RALYL: variants seen among roughly 807,000 people sequenced by gnomAD.
RALYL encodes RNA-binding Raly-like protein.
RALYL carries 29 observed loss-of-function variants against 35.1 expected under a neutral mutation model. The ratio of observed to expected loss-of-function variants is 0.83; its 90% CI spans 0.61 to 1.13. The LOEUF (loss-of-function observed/expected upper bound fraction) is 1.13. Ranked by LOEUF, RALYL falls within the 50% of genes most tolerant of loss-of-function variation. The pLI is 0.00. For synonymous variants in RALYL, 120 were observed against 127.6 expected (o/e 0.94, Z 0.40); for missense variants, 359 against 360.4 (o/e 1.00, Z 0.03).
At chr8:84,698,360 T>C (rs1839540830) in intron 2 of RALYL, among the ~76,000 whole-genome samples, 1 of 152,146 alleles carries the variant, frequency 6.6e-6, no homozygotes, top group South Asian at 2.1e-4. Flanking sequence ...ATTCATTGCT[T>C]ACATTATAAA....
intron 1 of RALYL, among the ~76,000 whole-genome samples, chr8:84,398,828 G>A (rs1046114384): frequency 3.3e-5 from 5 of 152,000 alleles, no homozygotes; most frequent in Non-Finnish European, 7.4e-5. Flanking sequence ...ACAAAAATTA[G>A]CCAGGTGTGT....
At chr8:84,878,291 C>G (rs892669079) in intron 7 of RALYL, among the ~76,000 whole-genome samples, 2 of 152,066 alleles carry the variant, frequency 1.3e-5, no homozygotes, top group Non-Finnish European at 2.9e-5. Flanking sequence ...TGTAGAAATG[C>G]CCACCTTCTC....
intron 1 of RALYL, among the ~76,000 whole-genome samples, chr8:84,428,225 T>A (rs1406901429): frequency 2.6e-5 from 4 of 152,158 alleles, no homozygotes; most frequent in Non-Finnish European, 5.9e-5. Flanking sequence ...TAGTTATAGT[T>A]TTCTTTTGCT....
At chr8:84,804,741 TAAA>T (rs148241211) in intron 3 of RALYL, 26 bp from the exon 4 acceptor site, 42,171 of 1,125,048 alleles carry the variant, frequency 0.037, 941 homozygotes, top group Non-Finnish European at 0.045. Flanking sequence ...ATTTTTATAT[TAAA>T]AGAAAATTTT....
chr8:84,834,931 T>G (rs886868341), intron 4 of RALYL, among the ~76,000 whole-genome samples: 9 of 152,160 alleles, frequency 5.9e-5, no homozygotes, highest in African/African-American at 2.2e-4. Flanking sequence ...GATAGACTCA[T>G]AAACAGCCAA....
intron 1 of RALYL, among the ~76,000 whole-genome samples, chr8:84,274,999 C>T (rs995788103): frequency 5.9e-5 from 9 of 152,154 alleles, no homozygotes; most frequent in Admixed American, 3.3e-4. Context: ...GATACTGTGA[C>T]TGACCATATT....
rs11987387 is a variant in RALYL at position 84,206,717 on chromosome 8, G to T, written c.-24+22293G>T. ...GATTTCTCTGGGAATAAGGAATTGT[G>T]GGCAGCAAAGAGATTGTGGCGCGAC... On this transcript the variant is annotated intron_variant, in intron 1 of 8. Coordinates refer to ENST00000521268, the MANE Select transcript of RALYL (RefSeq NM_173848.7). Among the ~76,000 whole-genome samples, 935 of 152,186 alleles carry T rather than the reference G, an allele frequency of 6.1e-3. 11 individuals are homozygous for T. Among genetic ancestry groups the T allele is most frequent in the African/African-American group, 0.019 (791 of 41,540 alleles).
intron 2 of RALYL, among the ~76,000 whole-genome samples, chr8:84,739,904 A>C (rs1290462896): frequency 5.9e-5 from 9 of 151,956 alleles, no homozygotes; most frequent in Non-Finnish European, 4.4e-5. Context: ...CACTATATAT[A>C]AGAAGAAAGC....
At position 84,774,814 on chromosome 8, in the gene RALYL, G is replaced by A. The variant is rs1009224234; in HGVS notation, c.332+160G>A. Among the ~76,000 whole-genome samples the A allele has an allele frequency of 2.0e-5, 3 of 152,136 alleles. No individual in the cohort carries two copies. The South Asian group carries it at 6.2e-4, about 32-fold the overall frequency. On this transcript the variant is annotated intron_variant, in intron 3 of 8. Coordinates refer to ENST00000521268, the MANE Select transcript of RALYL (RefSeq NM_173848.7). The stretch of plus-strand genomic sequence containing the variant: ...GGTCAACATATAAATATATCTTGCT[G>A]CATTGGCAAGGATCTCAATGCCTAA...
At chr8:84,831,278 A>G (rs1000836152) in intron 4 of RALYL, among the ~76,000 whole-genome samples, 1 of 152,238 alleles carries the variant, frequency 6.6e-6, no homozygotes, top group Non-Finnish European at 1.5e-5. Flanking sequence ...ACAAAAGGTA[A>G]AATCGAACTC....
At chr8:84,820,953 T>A (rs1019887413) in intron 4 of RALYL, among the ~76,000 whole-genome samples, 1 of 152,116 alleles carries the variant, frequency 6.6e-6, no homozygotes, top group African/African-American at 2.4e-5. Flanking sequence ...AAAAATAAGA[T>A]CTTAGTCTCA....
At chr8:84,862,178 A>C (rs1838227673) in intron 5 of RALYL, 118 bp from the exon 6 acceptor site, 1 of 813,698 alleles carries the variant, frequency 1.2e-6, no homozygotes, top group African/African-American at 1.8e-5. Flanking sequence ...AGAGAACAGC[A>C]GCAGAAAGAA....
intron 2 of RALYL, among the ~76,000 whole-genome samples, chr8:84,742,368 T>G (rs535244368): frequency 6.6e-6 from 1 of 152,150 alleles, no homozygotes; most frequent in South Asian, 2.1e-4. Flanking sequence ...TAGCAAATAT[T>G]AGACAATTGC....
intron 1 of RALYL, among the ~76,000 whole-genome samples, chr8:84,505,684 G>C (rs1049457570): frequency 6.6e-6 from 1 of 151,976 alleles, no homozygotes; most frequent in Non-Finnish European, 1.5e-5. Flanking sequence ...GAACCCAATA[G>C]GTAGTTTTCG....
intron 1 of RALYL, among the ~76,000 whole-genome samples, chr8:84,317,583 A>G (rs1292000845): frequency 6.6e-6 from 1 of 152,244 alleles, no homozygotes; most frequent in African/African-American, 2.4e-5. Context: ...TTCTAAAGCA[A>G]TAACCAACAG....
At position 84,678,091 on chromosome 8, in the gene RALYL, C is replaced by T. The variant is rs374118856; in HGVS notation, c.257-96488C>T. Among the ~76,000 whole-genome samples the T allele has an allele frequency of 2.7e-5, 4 of 147,884 alleles. No individual in the cohort carries two copies. In the East Asian group the frequency reaches 7.7e-4, roughly 29 times the overall value. On this transcript the variant is annotated intron_variant, in intron 2 of 8. Transcript: ENST00000521268. ...CTTAGTTCTAAATTTCAAATTCCAC[C>T]GATATCATAAGTCATACAAAAGCAC...
intron 2 of RALYL, among the ~76,000 whole-genome samples, chr8:84,686,687 G>T (rs866271508): frequency 2.0e-5 from 3 of 152,104 alleles, no homozygotes; most frequent in Non-Finnish European, 2.9e-5. Flanking sequence ...TTTTAGGCAT[G>T]AACCACCACA....
chr8:84,635,842 G>C (rs911314213), intron 2 of RALYL, among the ~76,000 whole-genome samples: 3 of 151,680 alleles, frequency 2.0e-5, no homozygotes, highest in Admixed American at 1.3e-4. Flanking sequence ...AGGAAACTGA[G>C]CTCAGCTTTC....
chr8:84,250,657 C>A (rs890371541), intron 1 of RALYL, among the ~76,000 whole-genome samples: 2 of 152,170 alleles, frequency 1.3e-5, no homozygotes, highest in African/African-American at 4.8e-5. Flanking sequence ...ATAACACATA[C>A]ATGCTGCTGA....
Sources: allele counts gnomAD v4.1 joint callset (sites outside exome capture counted in the v4.1 genomes callset), GRCh38; gene constraint gnomAD v4.1.1; transcripts MANE v1.5; gene names NCBI Gene and HGNC (gene_info 2026-07-23, HGNC 2026-07-21).